Variants in TPST2 observed in about 807,000 individuals in gnomAD.
TPST2 encodes protein-tyrosine sulfotransferase 2.
A neutral mutation model predicts 27.8 loss-of-function variants in TPST2; 16 were observed. The ratio of observed to expected loss-of-function variants is 0.58; its 90% CI spans 0.39 to 0.88. The LOEUF is 0.88. TPST2 is among the 40% of genes least tolerant of loss of function. TPST2 has a pLI of 0.00. For missense variants in TPST2, 464 were observed against 543.1 expected (o/e 0.85, Z 1.45); for synonymous variants, 229 against 231.7 (o/e 0.99, Z 0.10).
chr22:26,584,114 G>C (rs1379807440), intron 1 of TPST2, among the ~76,000 whole-genome samples: 1 of 152,254 alleles, frequency 6.6e-6, no homozygotes, highest in Non-Finnish European at 1.5e-5. Context: ...CACACACGTA[G>C]CATGGGAGCT....
chr22:26,565,272 G>A (rs755183448), intron 1 of TPST2: 10 of 152,544 alleles, frequency 6.6e-5, no homozygotes, highest in Non-Finnish European at 1.0e-4. Context: ...GGTCAGGCTC[G>A]AGCTGGCAGG....
At chr22:26,532,352 C>T (rs1925213539) in intron 5 of TPST2, among the ~76,000 whole-genome samples, 1 of 152,240 alleles carries the variant, frequency 6.6e-6, no homozygotes, top group African/African-American at 2.4e-5. Context: ...GTGATCTCAG[C>T]TCACTGCGAC....
At chr22:26,537,947 G>T (rs1177430402) in intron 3 of TPST2, among the ~76,000 whole-genome samples, 3 of 152,096 alleles carry the variant, frequency 2.0e-5, no homozygotes, top group African/African-American at 7.2e-5. Flanking sequence ...TTCCCCTGAA[G>T]ACAGACATTT....
chr22:26,542,294 C>T (rs1265222028), intron 2 of TPST2, among the ~76,000 whole-genome samples: 2 of 151,016 alleles, frequency 1.3e-5, no homozygotes, highest in African/African-American at 2.4e-5. Flanking sequence ...GATCATAGCT[C>T]ACTGCGGCCT....
chr22:26,549,993 TCA>T lies in TPST2; in HGVS notation c.-160-5320_-160-5319del, dbSNP rs1363635978. ...AGGCAGAGGTTGCAGTGAGCCGAGA[TCA>T]TGCCACTGCACTTCAGCCTGGGTGA... On this transcript the variant is annotated intron_variant, in intron 1 of 6. Transcript: ENST00000338754. Among the ~76,000 whole-genome samples the T allele has an allele frequency of 2.0e-5, 3 of 149,164 alleles. No individual in the cohort carries two copies. In the Admixed American group the frequency reaches 2.0e-4, roughly 10 times the overall value.
chr22:26,536,003 T>G, intron 4 of TPST2: 1 of 527,484 alleles, frequency 1.9e-6, no homozygotes, highest in Non-Finnish European at 3.6e-6. Context: ...GGGGTAAAAA[T>G]GTAAATAAAA....
rs1357173126 is a variant in TPST2 at position 26,566,886 on chromosome 22, T to G, written c.-160-22211A>C. On this transcript the variant is annotated intron_variant, in intron 1 of 6. Coordinates refer to ENST00000338754, the MANE Select transcript of TPST2 (RefSeq NM_003595.5). ...GTCCATCTTGGAGTTTCTCAGTCTC[T>G]GCACTATAGACATTTGGACCAGATC... is the stretch of plus-strand genomic sequence containing the variant. 3.9e-5 allele frequency among the ~76,000 whole-genome samples: 6 copies of G among 152,362 alleles called. No individual in the cohort carries two copies. The East Asian group carries it at 1.2e-3, about 29-fold the overall frequency.
chr22:26,538,811 A>G (rs1045584535), intron 3 of TPST2, among the ~76,000 whole-genome samples: 2 of 152,242 alleles, frequency 1.3e-5, no homozygotes, highest in Admixed American at 6.5e-5. Flanking sequence ...TGACAGAGCG[A>G]GACTCCGTCT....
In TPST2 at chr22:26,541,795, A is replaced by G. The variant is rs1056097959; in HGVS notation, c.-88-77T>C. 34 of 1,320,824 alleles carry G rather than the reference A, an allele frequency of 2.6e-5. No homozygotes were observed. In the African/African-American group the frequency reaches 5.2e-4, roughly 20 times the overall value. The allele number at this position is 1,320,824 out of a possible 1,614,324, so 81.8% of individuals were successfully genotyped here. On this transcript the variant is annotated intron_variant, in intron 2 of 6. Transcript: ENST00000338754. This position sits in a 1 kb window ranked among gnomAD's most constrained non-coding sequence, Gnocchi z 5.9. The stretch of plus-strand genomic sequence containing the variant: ...TCTCCAATAACTGCAAAGCCCTATA[A>G]CTGCAAACAAGAGGCTGCTGACATG...
At chr22:26,559,323 G>A (rs762113664) in intron 1 of TPST2, among the ~76,000 whole-genome samples, 4 of 152,204 alleles carry the variant, frequency 2.6e-5, no homozygotes, top group South Asian at 2.1e-4. Context: ...CCAAAATTGC[G>A]CCACTGCGCT....
At chr22:26,535,486 A>G (rs1187171289) in intron 4 of TPST2, among the ~76,000 whole-genome samples, 1 of 152,228 alleles carries the variant, frequency 6.6e-6, no homozygotes, top group African/African-American at 2.4e-5. Context: ...TAACACTTCA[A>G]AAGCATTTTG....
intron 1 of TPST2, among the ~76,000 whole-genome samples, chr22:26,583,847 A>G (rs1928225718): frequency 6.6e-6 from 1 of 152,226 alleles, no homozygotes; most frequent in Admixed American, 6.5e-5. Context: ...TCTCAAAAAA[A>G]AAAAATTGTT....
At chr22:26,532,868 A>G (rs971055733) in intron 4 of TPST2, 123 bp from the exon 5 acceptor site, 2 of 817,624 alleles carry the variant, frequency 2.4e-6, no homozygotes, top group Non-Finnish European at 4.0e-6. Context: ...TCCATCCAAC[A>G]AACATTGCTT....
chr22:26,539,405 A>G (rs775733872), intron 3 of TPST2, among the ~76,000 whole-genome samples: 2 of 152,116 alleles, frequency 1.3e-5, no homozygotes, highest in African/African-American at 2.4e-5. Context: ...GGAGCAAGGG[A>G]CAGAGGGAGG....
At chr22:26,566,295 G>C (rs1927375283) in intron 1 of TPST2, among the ~76,000 whole-genome samples, 1 of 152,160 alleles carries the variant, frequency 6.6e-6, no homozygotes, top group African/African-American at 2.4e-5. Flanking sequence ...GCTCACGCCT[G>C]TAATCCCAGC....
At position 26,536,334 on chromosome 22, in the gene TPST2, G is replaced by T; in HGVS notation, c.995C>A (p.Pro332His). The T allele has an allele frequency of 6.2e-7, 1 of 1,614,144 alleles. No homozygotes were observed. Among genetic ancestry groups the T allele is most frequent in the Non-Finnish European group, 8.5e-7 (1 of 1,179,990 alleles). ...QLGYDPYANP[P>H]NYGNPDPFVI... ...GAAGGGGTCAGGGTTGCCATAGTTG[G>T]GGGGGTTTGCATAAGGGTCATAGCC... Residue 332 changes from proline to histidine, a missense_variant, in exon 4 of 7, where the codon CCC (proline) becomes CAC (histidine). Transcript: ENST00000338754.
At chr22:26,583,513 A>G (rs1684068040) in intron 1 of TPST2, among the ~76,000 whole-genome samples, 2 of 151,170 alleles carry the variant, frequency 1.3e-5, no homozygotes, top group South Asian at 4.2e-4. Context: ...ACAACCTCCA[A>G]TATCCTAGAA....
intron 1 of TPST2, chr22:26,555,138 C>G (rs924307270): frequency 2.4e-5 from 13 of 530,804 alleles, no homozygotes; most frequent in Admixed American, 1.7e-4. Flanking sequence ...TGCATTTTAA[C>G]GTGGAGCTGA....
At position 26,532,678 on chromosome 22, in the gene TPST2, C is replaced by T. The variant is rs1159150566; in HGVS notation, c.1092+17G>A. On this transcript the variant is annotated intron_variant, in intron 5 of 6. Coordinates refer to ENST00000338754, the MANE Select transcript of TPST2 (RefSeq NM_003595.5). ...CTGAGAAAGACAGAATTCGGAATTC[C>T]CCTTGGGGTTTCTAACCTGAAAATA... 1.2e-6 allele frequency: 2 copies of T among 1,613,580 alleles called. No individual in the cohort carries two copies. Among genetic ancestry groups the T allele is most frequent in the Admixed American group, 3.3e-5 (2 of 59,970 alleles).
Sources: gnomAD v4.1 joint callset for allele counts (sites outside exome capture counted in the v4.1 genomes callset) on GRCh38, gnomAD v4.1.1 for gene constraint, Gnocchi (gnomAD v3.1) non-coding constraint, MANE v1.5 for transcripts, NCBI Gene and HGNC (gene_info 2026-07-23, HGNC 2026-07-21) for gene names.